ZNF704: variants seen among roughly 807,000 people sequenced by gnomAD.
ZNF704 encodes the protein glucocorticoid induced gene 1.
In ZNF704, 10 loss-of-function variants were observed where a neutral mutation model predicts 44.7. The ratio of observed to expected loss-of-function variants is 0.22; its 90% CI spans 0.14 to 0.38. The LOEUF is 0.38. ZNF704 is among the 10% of genes least tolerant of loss of function. The probability of loss-of-function intolerance (pLI) is 1.00; values close to 1 mark genes in which losing one functional copy is unlikely to be tolerated. For synonymous variants in ZNF704, 211 were observed against 207.6 expected, an observed-to-expected ratio of 1.02 and a Z score of -0.14; for missense variants, 390 against 545.5, an observed-to-expected ratio of 0.71 and a Z score of 2.84.
the ZNF704 span, among the ~76,000 whole-genome samples, chr8:80,883,986 G>C: frequency 6.6e-6 from 1 of 152,168 alleles, no homozygotes; most frequent in African/African-American, 2.4e-5. Flanking sequence ...CCTATCATGG[G>C]AGTCTTGAAA....
At chr8:80,734,138 C>A (rs545088066) in intron 2 of ZNF704, among the ~76,000 whole-genome samples, 2 of 152,284 alleles carry the variant, frequency 1.3e-5, no homozygotes, top group Admixed American at 6.5e-5. Flanking sequence ...AGAAACAAAT[C>A]GTTTCTACAG....
At chr8:80,726,040 A>G (rs1806473670) in intron 2 of ZNF704, among the ~76,000 whole-genome samples, 2 of 152,146 alleles carry the variant, frequency 1.3e-5, no homozygotes, top group South Asian at 4.1e-4. Flanking sequence ...TTGTTTATAT[A>G]CCGTGTTGAT....
chr8:80,835,087 G>A (rs1808536756), intron 1 of ZNF704, among the ~76,000 whole-genome samples: 1 of 152,222 alleles, frequency 6.6e-6, no homozygotes, highest in African/African-American at 2.4e-5. Context: ...AGGATGGAAA[G>A]TTATTGGAAA....
intron 1 of ZNF704, among the ~76,000 whole-genome samples, chr8:80,863,652 T>C (rs552728531): frequency 7.2e-5 from 11 of 152,318 alleles, no homozygotes; most frequent in Admixed American, 2.0e-4. Context: ...GGGCCTTCTA[T>C]TAGTTACAAT....
At chr8:80,676,830 T>C (rs949952949) in intron 4 of ZNF704, among the ~76,000 whole-genome samples, 2 of 152,160 alleles carry the variant, frequency 1.3e-5, no homozygotes, top group Admixed American at 6.5e-5. Flanking sequence ...TGGTTCACAA[T>C]AGGGTTCATG....
intron 1 of ZNF704, among the ~76,000 whole-genome samples, chr8:80,856,869 C>A (rs1473015749): frequency 6.6e-6 from 1 of 152,230 alleles, no homozygotes; most frequent in East Asian, 1.9e-4. Flanking sequence ...TTGAGATTAG[C>A]TTGTCAATTT....
At chr8:80,820,429 C>G (rs1443349206) in intron 2 of ZNF704, among the ~76,000 whole-genome samples, 1 of 152,040 alleles carries the variant, frequency 6.6e-6, no homozygotes, top group African/African-American at 2.4e-5. Context: ...AAGACAAAGG[C>G]TTTTTGATAT....
At chr8:80,647,222 T>C (rs762855836) in intron 7 of ZNF704, among the ~76,000 whole-genome samples, 6 of 152,084 alleles carry the variant, frequency 3.9e-5, no homozygotes, top group Non-Finnish European at 5.9e-5. Flanking sequence ...AGAAATGAAA[T>C]AGGATAACAG....
intron 2 of ZNF704, among the ~76,000 whole-genome samples, chr8:80,785,126 G>C (rs1451057992): frequency 6.6e-6 from 1 of 152,116 alleles, no homozygotes; most frequent in Non-Finnish European, 1.5e-5. Context: ...TGCCCCCTCA[G>C]GCTCTTGCTG....
intron 2 of ZNF704, among the ~76,000 whole-genome samples, chr8:80,727,304 T>C (rs1806497896): frequency 1.3e-5 from 2 of 152,164 alleles, no homozygotes; most frequent in South Asian, 4.1e-4. Context: ...GGTTCAGTCA[T>C]AGATCAAGTT....
chr8:80,781,831 G>A (rs79492963), intron 2 of ZNF704, among the ~76,000 whole-genome samples: 5 of 152,264 alleles, frequency 3.3e-5, no homozygotes, highest in African/African-American at 9.6e-5. Context: ...ACAGCTTATC[G>A]ACTGGATTGG....
intron 7 of ZNF704, among the ~76,000 whole-genome samples, chr8:80,656,459 G>A (rs960630635): frequency 6.6e-6 from 1 of 152,164 alleles, no homozygotes; most frequent in African/African-American, 2.4e-5. Context: ...AGGAGAGAAG[G>A]CAGGTCATTA....
rs539409110 is a variant in ZNF704 at position 80,712,660 on chromosome 8, T to C, written c.222-19553A>G. Among the ~76,000 whole-genome samples, 14 of 152,000 alleles carry C rather than the reference T, an allele frequency of 9.2e-5. No homozygotes were observed. The South Asian group carries it at 2.9e-3, about 32-fold the overall frequency. On this transcript the variant is annotated intron_variant, in intron 2 of 8. Transcript: ENST00000327835. The stretch of plus-strand genomic sequence containing the variant: ...ATAGATTTCAGAAGATATTTTAAGA[T>C]TATACTAAATGGATAGTATGTTGGT...
chr8:80,790,226 A>T (rs1807680846), intron 2 of ZNF704, among the ~76,000 whole-genome samples: 1 of 152,190 alleles, frequency 6.6e-6, no homozygotes, highest in Non-Finnish European at 1.5e-5. Flanking sequence ...GGGCCCAGCT[A>T]AAATATTATT....
chr8:80,801,604 T>C (rs989467565), intron 2 of ZNF704, among the ~76,000 whole-genome samples: 1 of 152,192 alleles, frequency 6.6e-6, no homozygotes, highest in African/African-American at 2.4e-5. Flanking sequence ...ATCAAGAAGT[T>C]CTTTGAAACT....
Position 80,831,062 on chromosome 8 carries a change from G to A in ZNF704, c.-21-9447C>T, listed in dbSNP as rs933231197. ...AGCCACTGCACCCGGCCTAGAGGGT[G>A]TATTTCTAAGAACCCCTAGAAACAA... On this transcript the variant is annotated intron_variant, in intron 1 of 8. Coordinates refer to ENST00000327835, the MANE Select transcript of ZNF704 (RefSeq NM_001033723.3). 2.6e-5 allele frequency among the ~76,000 whole-genome samples: 4 copies of A among 152,064 alleles called. No individual in the cohort carries two copies. The East Asian group carries it at 5.8e-4, about 22-fold the overall frequency.
rs963715842 is a variant in ZNF704 at position 80,630,696 on chromosome 8, A to AT, written c.*10669dup. On this transcript the variant is annotated 3_prime_UTR_variant, in exon 9 of 9. Coordinates refer to ENST00000327835, the MANE Select transcript of ZNF704 (RefSeq NM_001033723.3). Reference sequence around the variant, plus strand: ...GTCATGAACCCTTTGGGACCTAGCGATTTTTTCTTATCCTGAGTTCTTCTT... The same window carrying AT: ...GTCATGAACCCTTTGGGACCTAGCGATTTTTTTCTTATCCTGAGTTCTTCTT... 3.3e-5 allele frequency: 5 copies of AT among 152,048 alleles called. No homozygotes were observed. Among genetic ancestry groups the AT allele is most frequent in the African/African-American group, 7.2e-5 (3 of 41,468 alleles). 9.4% of individuals were successfully genotyped at this position (152,048 alleles called of 1,614,324 possible). A position where few individuals can be genotyped will look rare whatever the true frequency, so the allele number is the denominator to read the frequency against.
intron 2 of ZNF704, among the ~76,000 whole-genome samples, chr8:80,819,570 G>A (rs1344814794): frequency 2.0e-5 from 3 of 149,264 alleles, no homozygotes; most frequent in African/African-American, 7.4e-5. Flanking sequence ...AAAAAGCACA[G>A]TTCTTCACAT....
At chr8:80,726,773 A>G (rs1003461183) in intron 2 of ZNF704, among the ~76,000 whole-genome samples, 2 of 152,100 alleles carry the variant, frequency 1.3e-5, no homozygotes, top group Non-Finnish European at 2.9e-5. Flanking sequence ...AATTTCCTTG[A>G]AAGTACATCA....
Sources: gnomAD v4.1 joint callset for allele counts (sites outside exome capture counted in the v4.1 genomes callset) on GRCh38, gnomAD v4.1.1 for gene constraint, MANE v1.5 for transcripts, NCBI Gene and HGNC (gene_info 2026-07-23, HGNC 2026-07-21) for gene names.